Variants in CLIP2 observed in about 807,000 individuals in gnomAD.
CLIP2 encodes CAP-Gly domain containing linker protein 2, also known as CAP-Gly domain-containing linker protein 2.
Under a neutral mutation model 111.7 loss-of-function variants are expected in CLIP2, and 41 were observed. The ratio of observed to expected loss-of-function variants is 0.37; its 90% CI spans 0.29 to 0.48. CLIP2 has a LOEUF of 0.48. Ranked by LOEUF, CLIP2 falls within the 20% of genes least tolerant of loss-of-function variation. The pLI is 0.99. For synonymous variants in CLIP2, 660 were observed against 644.2 expected, an observed-to-expected ratio of 1.02 and a Z score of -0.37; for missense variants, 1,160 against 1,422.1, an observed-to-expected ratio of 0.82 and a Z score of 2.96.
chr7:74,291,788 G>A (rs545103733), intron 1 of CLIP2, among the ~76,000 whole-genome samples: 1 of 152,208 alleles, frequency 6.6e-6, no homozygotes, highest in African/African-American at 2.4e-5. Flanking sequence ...TGCCTCCCTT[G>A]GTGATAGAAA....
chr7:74,392,206 C>A (rs1243633719), intron 13 of CLIP2, among the ~76,000 whole-genome samples: 3 of 151,958 alleles, frequency 2.0e-5, no homozygotes, highest in Non-Finnish European at 2.9e-5. Context: ...AAAAAATTAG[C>A]CAGGCTTGGT....
chr7:74,355,435 C>T (rs1359641834), intron 4 of CLIP2, among the ~76,000 whole-genome samples: 1 of 152,120 alleles, frequency 6.6e-6, no homozygotes, highest in East Asian at 1.9e-4. Context: ...TATAGCAAAA[C>T]CTCATCTCTA....
At position 74,393,075 on chromosome 7, in the gene CLIP2, G is replaced by A. The variant is rs1460716272; in HGVS notation, c.2720+3816G>A. Among the ~76,000 whole-genome samples the A allele has an allele frequency of 3.2e-5, 4 of 125,560 alleles. No individual in the cohort carries two copies. The East Asian group carries it at 9.7e-4, about 31-fold the overall frequency. The allele number at this position is 125,560 out of a possible 152,430, so 82.4% of individuals were successfully genotyped here. A position where few individuals can be genotyped will look rare whatever the true frequency, so the allele number is the denominator to read the frequency against. On this transcript the variant is annotated intron_variant, in intron 13 of 16. Transcript: ENST00000223398. ...TTTTGAGACGGAGTCTTACTCTGTT[G>A]CCCAGGCTGCAGTACAGTGGCGCGA... is the stretch of plus-strand genomic sequence containing the variant.
chr7:74,311,938 A>T (rs1263003680), intron 1 of CLIP2, among the ~76,000 whole-genome samples: 1 of 151,382 alleles, frequency 6.6e-6, no homozygotes, highest in Non-Finnish European at 1.5e-5. Flanking sequence ...AAAAAGAAAG[A>T]AAGAAAAAGA....
chr7:74,336,181 C>T (rs1789451290), intron 2 of CLIP2, among the ~76,000 whole-genome samples: 1 of 151,984 alleles, frequency 6.6e-6, no homozygotes, highest in Non-Finnish European at 1.5e-5. Context: ...AATTCTCCTG[C>T]CTCAGCCTCC....
Position 74,404,304 on chromosome 7 carries a change from A to T in CLIP2, c.*456A>T, listed in dbSNP as rs551116348. 1.8e-5 allele frequency: 3 copies of T among 167,000 alleles called. No homozygotes were observed. The highest frequency in any genetic ancestry group is 1.7e-4 in the South Asian group (1 of 6,036). 10.3% of individuals were successfully genotyped at this position (167,000 alleles called of 1,614,324 possible). A position where few individuals can be genotyped will look rare whatever the true frequency, so the allele number is the denominator to read the frequency against. On this transcript the variant is annotated 3_prime_UTR_variant, in exon 17 of 17. Transcript: ENST00000223398. Reference sequence around the variant, plus strand: ...ATGCAGACACCAAGGGGGAGCATCCAGTCTTTAAGAGCCAAGTGGGGGCCC... The same window carrying T: ...ATGCAGACACCAAGGGGGAGCATCCTGTCTTTAAGAGCCAAGTGGGGGCCC...
chr7:74,334,546 A>G (rs1789394960), intron 2 of CLIP2, among the ~76,000 whole-genome samples: 1 of 152,074 alleles, frequency 6.6e-6, no homozygotes, highest in African/African-American at 2.4e-5. Flanking sequence ...GGGCAGGTAG[A>G]AACAGACCTT....
chr7:74,305,290 G>A (rs1788447675), intron 1 of CLIP2, among the ~76,000 whole-genome samples: 2 of 152,118 alleles, frequency 1.3e-5, no homozygotes, highest in African/African-American at 2.4e-5. Flanking sequence ...TCCTGGGGAG[G>A]CACAGCAGCT....
At chr7:74,388,338 C>CA (rs782566486) in intron 12 of CLIP2, among the ~76,000 whole-genome samples, 352 of 151,224 alleles carry the variant, frequency 2.3e-3, no homozygotes, top group African/African-American at 7.4e-3. Flanking sequence ...CACACACACA[C>CA]ACACAAAAAC....
chr7:74,300,507 G>A (rs540010556), intron 1 of CLIP2, among the ~76,000 whole-genome samples: 2 of 149,760 alleles, frequency 1.3e-5, no homozygotes, highest in South Asian at 4.2e-4. Flanking sequence ...CCAGGCTGGA[G>A]TGCAGTGGTG....
intron 13 of CLIP2, among the ~76,000 whole-genome samples, chr7:74,396,462 G>A (rs1791450870): frequency 3.4e-5 from 1 of 29,422 alleles, no homozygotes; most frequent in Non-Finnish European, 9.0e-5. Context: ...TTGGGGTTAT[G>A]TGTGTGTGTG....
At chr7:74,379,744 CGA>C in intron 10 of CLIP2, among the ~76,000 whole-genome samples, 1 of 151,758 alleles carries the variant, frequency 6.6e-6, no homozygotes, top group South Asian at 2.1e-4. Flanking sequence ...CCAGCCTGGG[CGA>C]CGGAGTGAGA....
At chr7:74,334,358 A>G (rs1196464330) in intron 2 of CLIP2, among the ~76,000 whole-genome samples, 1 of 152,086 alleles carries the variant, frequency 6.6e-6, no homozygotes, top group Non-Finnish European at 1.5e-5. Context: ...TGTTGAAACA[A>G]CTGGTCCCTG....
At chr7:74,329,090 T>TG (rs1427438400) in intron 2 of CLIP2, among the ~76,000 whole-genome samples, 1 of 144,570 alleles carries the variant, frequency 6.9e-6, no homozygotes, top group African/African-American at 2.5e-5. Context: ...TTTTTTGGTT[T>TG]TTTTTTTTTT....
At chr7:74,368,292 C>T (rs1445669074) in intron 8 of CLIP2, among the ~76,000 whole-genome samples, 7 of 151,844 alleles carry the variant, frequency 4.6e-5, no homozygotes, top group African/African-American at 1.4e-4. Context: ...CCGAGGTGGG[C>T]GGATCATGAG....
chr7:74,318,863 A>G (rs984355475), intron 2 of CLIP2, among the ~76,000 whole-genome samples: 1 of 152,176 alleles, frequency 6.6e-6, no homozygotes, highest in Non-Finnish European at 1.5e-5. Context: ...GTTTGGAGAG[A>G]CAAACACAGC....
chr7:74,403,781 C>A lies in CLIP2; in HGVS notation c.3130-56C>A. The A allele has an allele frequency of 1.9e-6, 3 of 1,606,924 alleles. No individual in the cohort carries two copies. In the South Asian group the frequency reaches 3.3e-5, roughly 18 times the overall value. ...TTCCTCCCTGACTCCCCTCTGGCCG[C>A]CTGGCCCTCCAGGCTCTCTGAGACC... On this transcript the variant is annotated intron_variant, in intron 16 of 16. Coordinates refer to ENST00000223398, the MANE Select transcript of CLIP2 (RefSeq NM_003388.5).
chr7:74,316,460 A>G (rs1228122484), intron 1 of CLIP2, among the ~76,000 whole-genome samples: 1 of 151,884 alleles, frequency 6.6e-6, no homozygotes, highest in Non-Finnish European at 1.5e-5. Flanking sequence ...TACGCTACCA[A>G]GGCTGGTTTT....
intron 1 of CLIP2, among the ~76,000 whole-genome samples, chr7:74,315,442 A>ACT (rs1564033020): frequency 6.6e-6 from 1 of 151,992 alleles, no homozygotes; most frequent in African/African-American, 2.4e-5. Context: ...ACAGGGTCTC[A>ACT]CTATGTTGCC....
Sources: allele counts gnomAD v4.1 joint callset (sites outside exome capture counted in the v4.1 genomes callset), GRCh38; gene constraint gnomAD v4.1.1; transcripts MANE v1.5; gene names NCBI Gene and HGNC (gene_info 2026-07-23, HGNC 2026-07-21).